The following PARP8 variants were observed in gnomAD, a reference collection of about 807,000 sequenced individuals.
The protein encoded by PARP8 is protein mono-ADP-ribosyltransferase PARP8.
A neutral mutation model predicts 124.1 loss-of-function variants in PARP8; 51 were observed. That is an observed-to-expected ratio of 0.41 (90% confidence interval 0.33 to 0.52). The LOEUF (loss-of-function observed/expected upper bound fraction) is 0.52, where lower values mean the gene tolerates loss of function less well. PARP8 is among the 20% of genes least tolerant of loss of function. The probability of loss-of-function intolerance (pLI) is 0.21; values close to 1 mark genes in which losing one functional copy is unlikely to be tolerated. For synonymous variants in PARP8, 391 were observed against 361.5 expected, an observed-to-expected ratio of 1.08 and a Z score of -0.93; for missense variants, 860 against 1,018.9, an observed-to-expected ratio of 0.84 and a Z score of 2.12.
At chr5:50,681,464 A>G (rs1458254516) in intron 2 of PARP8, among the ~76,000 whole-genome samples, 2 of 152,110 alleles carry the variant, frequency 1.3e-5, no homozygotes, top group African/African-American at 2.4e-5. Flanking sequence ...ATTTAAAATG[A>G]AAAGGATTAG....
At chr5:50,753,921 G>C (rs949858254) in intron 3 of PARP8, among the ~76,000 whole-genome samples, 11 of 151,002 alleles carry the variant, frequency 7.3e-5, no homozygotes, top group Admixed American at 6.6e-4. Flanking sequence ...GAAAGTTCTG[G>C]TAATGCTTTG....
intron 25 of PARP8, among the ~76,000 whole-genome samples, chr5:50,840,146 G>GA (rs1288533852): frequency 6.6e-6 from 1 of 150,454 alleles, no homozygotes; most frequent in Non-Finnish European, 1.5e-5. Context: ...TTGTGACTTA[G>GA]AAAAAAATAA....
In PARP8 at chr5:50,668,332, C is replaced by T; in HGVS notation, c.146+207C>T. On this transcript the variant is annotated intron_variant, in intron 2 of 25. Transcript: ENST00000281631. ...TTTGATTCAGGTGTTTCGAGGACCA[C>T]GCCACAGGCAATGAGCAGAACTCTT... 1.2e-5 allele frequency: 7 copies of T among 589,642 alleles called. No homozygotes were observed. The South Asian group carries it at 1.4e-4, about 12-fold the overall frequency. 36.5% of individuals were successfully genotyped at this position (589,642 alleles called of 1,614,324 possible).
At chr5:50,818,758 T>A (rs567152537) in intron 15 of PARP8, among the ~76,000 whole-genome samples, 1 of 152,172 alleles carries the variant, frequency 6.6e-6, no homozygotes, top group African/African-American at 2.4e-5. Context: ...AAATCCAAAT[T>A]GTATTATAAA....
At chr5:50,728,248 C>T (rs1357259503) in intron 2 of PARP8, among the ~76,000 whole-genome samples, 3 of 152,096 alleles carry the variant, frequency 2.0e-5, no homozygotes, top group Admixed American at 6.5e-5. Context: ...ACATCCAGTG[C>T]AGAAGCTTCA....
At chr5:50,780,659 A>G (rs1056906945) in intron 9 of PARP8, among the ~76,000 whole-genome samples, 6 of 151,970 alleles carry the variant, frequency 3.9e-5, no homozygotes, top group Admixed American at 3.3e-4. Flanking sequence ...TCTTTCTTTC[A>G]TCTGTATTGG....
chr5:50,759,109 G>T (rs1273929474), intron 3 of PARP8, among the ~76,000 whole-genome samples: 1 of 152,016 alleles, frequency 6.6e-6, no homozygotes, highest in African/African-American at 2.4e-5. Flanking sequence ...TTAGAGATGG[G>T]GGTTTCACCA....
rs1283902761 is a variant in PARP8 at position 50,776,803 on chromosome 5, A to G, written c.519-1266A>G. 4.6e-5 allele frequency among the ~76,000 whole-genome samples: 7 copies of G among 152,308 alleles called. No homozygotes were observed. The East Asian group carries it at 1.4e-3, about 29-fold the overall frequency. On this transcript the variant is annotated intron_variant, in intron 7 of 25. Coordinates refer to ENST00000281631, the MANE Select transcript of PARP8 (RefSeq NM_024615.4). ...TATAAAAGTGCCACAATTATGTATT[A>G]TAATTCTATTACTTGAATACATAAT...
At position 50,731,870 on chromosome 5, in the gene PARP8, C is replaced by T. The variant is rs565407355; in HGVS notation, c.147-18281C>T. On this transcript the variant is annotated intron_variant, in intron 2 of 25. Transcript: ENST00000281631. The stretch of plus-strand genomic sequence containing the variant: ...AAACATATTTAGCGGTAAACCTATT[C>T]GAACAGACATGAGATTATATAAAGT... Among the ~76,000 whole-genome samples the T allele has an allele frequency of 1.2e-4, 18 of 152,220 alleles. No individual in the cohort carries two copies. In the South Asian group the frequency reaches 1.5e-3, roughly 12 times the overall value.
At chr5:50,683,037 A>G (rs967226844) in intron 2 of PARP8, among the ~76,000 whole-genome samples, 11 of 152,032 alleles carry the variant, frequency 7.2e-5, no homozygotes, top group African/African-American at 2.4e-4. Context: ...CTGAAAAGGA[A>G]CCTTAAAAGC....
At chr5:50,762,755 A>G (rs1760685254) in intron 6 of PARP8, among the ~76,000 whole-genome samples, 1 of 152,200 alleles carries the variant, frequency 6.6e-6, no homozygotes, top group Non-Finnish European at 1.5e-5. Flanking sequence ...TTCCCAACGA[A>G]ATGATTCCTT....
At chr5:50,756,289 G>A in intron 3 of PARP8, among the ~76,000 whole-genome samples, 3 of 151,820 alleles carry the variant, frequency 2.0e-5, no homozygotes, top group Admixed American at 6.6e-5. Flanking sequence ...TCCAGTTTTT[G>A]TCCAGTCAGT....
intron 14 of PARP8, among the ~76,000 whole-genome samples, chr5:50,810,099 A>G (rs1451303484): frequency 1.3e-5 from 2 of 151,986 alleles, no homozygotes; most frequent in African/African-American, 4.8e-5. Flanking sequence ...AATATATCTT[A>G]TTTTAGGGAC....
intron 2 of PARP8, among the ~76,000 whole-genome samples, chr5:50,714,186 C>G (rs1755065466): frequency 6.6e-6 from 1 of 151,380 alleles, no homozygotes; most frequent in South Asian, 2.1e-4. Context: ...TGGGAAGAGC[C>G]CCACATTTTC....
chr5:50,753,202 A>G (rs1400063179), intron 3 of PARP8, among the ~76,000 whole-genome samples: 1 of 152,022 alleles, frequency 6.6e-6, no homozygotes, highest in Non-Finnish European at 1.5e-5. Flanking sequence ...CTCTACTATA[A>G]TGGCAGAGTT....
At position 50,843,372 on chromosome 5, in the gene PARP8, G is replaced by T. The variant is rs1310853761; in HGVS notation, c.*1304G>T. 6.7e-6 allele frequency: 1 copy of T among 149,864 alleles called. No homozygotes were observed. Among genetic ancestry groups the T allele is most frequent in the African/African-American group, 2.5e-5 (1 of 39,810 alleles). The allele number at this position is 149,864 out of a possible 1,614,324, so 9.3% of individuals were successfully genotyped here. A position where few individuals can be genotyped will look rare whatever the true frequency, so the allele number is the denominator to read the frequency against. On this transcript the variant is annotated 3_prime_UTR_variant, in exon 26 of 26. Transcript: ENST00000281631. The stretch of plus-strand genomic sequence containing the variant: ...AAGGCTCTATCTGATTTTAATTTAT[G>T]TAAAAAAAAATAAAAATGTATAGTC...
At chr5:50,674,662 T>A (rs12653772) in intron 2 of PARP8, among the ~76,000 whole-genome samples, 5 of 152,052 alleles carry the variant, frequency 3.3e-5, no homozygotes, top group Non-Finnish European at 5.9e-5. Flanking sequence ...TTTCTCATGC[T>A]TCCTAACATC....
chr5:50,810,092 A>G (rs962476554), intron 14 of PARP8, among the ~76,000 whole-genome samples: 1 of 152,004 alleles, frequency 6.6e-6, no homozygotes, highest in African/African-American at 2.4e-5. Context: ...CTTCTAAAAT[A>G]TATCTTATTT....
rs986131787 is a variant in PARP8, at chr5:50,844,854, A to G, written c.*2786A>G. The G allele has an allele frequency of 6.6e-6, 1 of 151,772 alleles. No individual in the cohort carries two copies. Among genetic ancestry groups the G allele is most frequent in the Non-Finnish European group, 1.5e-5 (1 of 67,770 alleles). 9.4% of individuals were successfully genotyped at this position (151,772 alleles called of 1,614,324 possible). On this transcript the variant is annotated 3_prime_UTR_variant, in exon 26 of 26. Coordinates refer to ENST00000281631, the MANE Select transcript of PARP8 (RefSeq NM_024615.4). ...GAACATTTGAGAATGGAAAAAAGTAATAATATACAAATAATCTAGTGCTAT... is the reference window on the plus strand; with the variant it reads ...GAACATTTGAGAATGGAAAAAAGTAGTAATATACAAATAATCTAGTGCTAT...
Sources: allele counts gnomAD v4.1 joint callset (sites outside exome capture counted in the v4.1 genomes callset), GRCh38; gene constraint gnomAD v4.1.1; transcripts MANE v1.5; gene names NCBI Gene and HGNC (gene_info 2026-07-23, HGNC 2026-07-21).